The following CYB5R2 variants were observed in gnomAD, a reference collection of about 807,000 sequenced individuals.
CYB5R2 encodes NADH-cytochrome b5 reductase 2.
A neutral mutation model predicts 29.8 loss-of-function variants in CYB5R2; 35 were observed. That is an observed-to-expected ratio of 1.17 (90% CI 0.90 to 1.56). The LOEUF (loss-of-function observed/expected upper bound fraction) is 1.56, where lower values mean the gene tolerates loss of function less well. CYB5R2 is among the 40% of genes most tolerant of loss of function. The pLI is 0.00. For missense variants in CYB5R2, 419 were observed against 346.7 expected (o/e 1.21, Z -1.66); for synonymous variants, 169 against 130.6 (o/e 1.29, Z -2.01).
At position 7,672,790 on chromosome 11, in the gene CYB5R2, C is replaced by A; in HGVS notation, c.36G>T (p.Gln12His). The A allele has an allele frequency of 1.2e-6, 2 of 1,614,178 alleles. No individual in the cohort carries two copies. Among genetic ancestry groups the A allele is most frequent in the Non-Finnish European group, 1.7e-6 (2 of 1,180,038 alleles). ...NSRRREPITL[Q>H]DPEAKYPLPL... ...GCAGCGGGTACTTGGCTTCAGGGTC[C>A]TGTAAGGTGATTGGCTCTCTCCTCC... The change falls in exon 2 of 9, where the codon CAG becomes CAT. Residue 12 changes from glutamine to histidine, a missense_variant. Physicochemically the swap from Gln to His is conservative, Grantham distance 24 (BLOSUM62 0). Transcript: ENST00000299498.
upstream of CYB5R2, chr11:7,673,741 C>T (rs1010709436): frequency 1.9e-5 from 19 of 985,874 alleles, no homozygotes; most frequent in South Asian, 3.3e-4. Flanking sequence ...CCCAACACGT[C>T]GTCGAACTGG....
rs776521770 is a variant in CYB5R2, at chr11:7,669,312, G to T, written c.281C>A (p.Pro94His). ...CATCTTCCCACCTTCAGGATATTGG[G>T]GGTGTACATTTTTGAAGTAGATCTG... ...IIKIYFKNVH[P>H]QYPEGGKMTQ... The change falls in exon 5 of 9, where the codon CCC becomes CAC. Residue 94 changes from proline (P) to histidine (H), a missense_variant. Physicochemically the swap from Pro to His is moderately conservative, Grantham distance 77 (BLOSUM62 -2). Coordinates refer to ENST00000299498, the MANE Select transcript of CYB5R2 (RefSeq NM_016229.5). 1 of 1,612,896 alleles carries T rather than the reference G, an allele frequency of 6.2e-7. No individual in the cohort carries two copies. Among genetic ancestry groups the T allele is most frequent in the Non-Finnish European group, 8.5e-7 (1 of 1,179,318 alleles).
chr11:7,671,684 A>C (rs1855750912), intron 3 of CYB5R2: 1 of 152,248 alleles, frequency 6.6e-6, no homozygotes, highest in South Asian at 2.1e-4. Flanking sequence ...TGTGCATATA[A>C]GACAAATAGG....
intron 6 of CYB5R2, 32 bp from the exon 7 acceptor site, chr11:7,667,845 T>G: frequency 6.3e-7 from 1 of 1,584,834 alleles, no homozygotes. Flanking sequence ...GCCAGCTTTC[T>G]CCCTGTCTCT....
upstream of CYB5R2, chr11:7,673,668 C>T (rs1855902247): frequency 1.0e-6 from 1 of 985,488 alleles, no homozygotes; most frequent in Non-Finnish European, 1.2e-6. Flanking sequence ...GCCGTCCCGA[C>T]GGAGATATTT....
At chr11:7,668,787 T>G (rs2136120004) in intron 5 of CYB5R2, 1 of 603,302 alleles carries the variant, frequency 1.7e-6, no homozygotes, top group Non-Finnish European at 2.9e-6. Context: ...CGCCGGGCCT[T>G]CTGTTCTGAG....
At chr11:7,672,066 T>C (rs1855776004) in intron 3 of CYB5R2, 3 of 194,778 alleles carry the variant, frequency 1.5e-5, no homozygotes, top group Non-Finnish European at 3.2e-5. Context: ...TCAGTCACTC[T>C]ACTTTCACAA....
chr11:7,671,337 C>T (rs547936504), intron 3 of CYB5R2: 9 of 152,474 alleles, frequency 5.9e-5, no homozygotes, highest in South Asian at 2.1e-4. Context: ...TGGGCTGGGA[C>T]GAAGCAGCGA....
chr11:7,665,668 A>G, intron 8 of CYB5R2, 122 bp from the exon 9 acceptor site: 1 of 1,214,124 alleles, frequency 8.2e-7, no homozygotes, highest in East Asian at 2.6e-5. Context: ...AAAGGCTTAG[A>G]AGTCTGTACT....
In CYB5R2 at chr11:7,669,943, C is replaced by G; in HGVS notation, c.152-212G>C. ...GTGCTACCCTAGGCAAGTCACTTCA[C>G]CTCTCTGGGTTTTGGTCTCTTCATC... is the stretch of plus-strand genomic sequence containing the variant. On this transcript the variant is annotated intron_variant, in intron 3 of 8. Transcript: ENST00000299498. 4 of 546,318 alleles carry G rather than the reference C, an allele frequency of 7.3e-6. No individual in the cohort carries two copies. In the South Asian group the frequency reaches 8.3e-5, roughly 11 times the overall value. 33.8% of individuals were successfully genotyped at this position (546,318 alleles called of 1,614,324 possible). A position where few individuals can be genotyped will look rare whatever the true frequency, so the allele number is the denominator to read the frequency against.
At chr11:7,666,403 C>G in intron 8 of CYB5R2, 48 bp downstream of exon 8, 2 of 1,256,092 alleles carry the variant, frequency 1.6e-6, no homozygotes, top group Non-Finnish European at 2.3e-6. Context: ...TCAAAGTGGT[C>G]AAGGGTTGGT....
Position 7,669,343 on chromosome 11 carries a change from C to T in CYB5R2, c.259-9G>A. 2 of 1,603,986 alleles carry T rather than the reference C, an allele frequency of 1.2e-6. No individual in the cohort carries two copies. The highest frequency in any genetic ancestry group is 1.1e-5 in the South Asian group (1 of 89,178). On this transcript the variant is annotated splice_polypyrimidine_tract_variant and intron_variant, in intron 4 of 8. Coordinates refer to ENST00000299498, the MANE Select transcript of CYB5R2 (RefSeq NM_016229.5). ...ACATTTTTGAAGTAGATCTGAAAAGCAAGGCAGCACTGCTTTCACATTCCC... is the reference window on the plus strand; with the variant it reads ...ACATTTTTGAAGTAGATCTGAAAAGTAAGGCAGCACTGCTTTCACATTCCC...
At chr11:7,673,073 G>A (rs190205865) in intron 1 of CYB5R2, 182 bp from the exon 2 acceptor site, 5 of 555,124 alleles carry the variant, frequency 9.0e-6, no homozygotes, top group South Asian at 3.9e-5. Flanking sequence ...TGGACCAGAG[G>A]GTAGGGAGGG....
chr11:7,672,326 A>T, intron 3 of CYB5R2, 125 bp downstream of exon 3: 1 of 746,100 alleles, frequency 1.3e-6, no homozygotes. Flanking sequence ...CTGAGCTCAC[A>T]GGCTCAGGAG....
At chr11:7,666,886 A>G in intron 7 of CYB5R2, 1 of 234,836 alleles carries the variant, frequency 4.3e-6, no homozygotes, top group South Asian at 6.1e-5. Context: ...ATCTACACTG[A>G]GCTCTAGCAC....
intron 5 of CYB5R2, 162 bp from the exon 6 acceptor site, chr11:7,668,723 C>A: frequency 1.5e-6 from 1 of 670,088 alleles, no homozygotes. Context: ...CCTCAGCTAG[C>A]CCTGGTGCTC....
upstream of CYB5R2, chr11:7,673,770 C>A (rs922862254): frequency 1.5e-4 from 139 of 928,528 alleles, no homozygotes; most frequent in Non-Finnish European, 1.7e-4. Context: ...GGGGGCCGCT[C>A]CCCGCCGCGG....
At position 7,668,550 on chromosome 11, in the gene CYB5R2, T is replaced by G. The variant is rs1454043194; in HGVS notation, c.400A>C (p.Ile134Leu). Residue 134 changes from isoleucine to leucine, a missense_variant, in exon 6 of 9, where the codon ATC (isoleucine) becomes CTC (leucine). Ile to Leu is a conservative substitution (Grantham distance 5, BLOSUM62 2). Transcript: ENST00000299498. ...GGCTCACTCGTCTGGTCTGGTCTGATTCCAAGATTCCCTGGAAACACAGAG... is the reference window on the plus strand; with the variant it reads ...GGCTCACTCGTCTGGTCTGGTCTGAGTCCAAGATTCCCTGGAAACACAGAG... ...LFYHGPGNLGIRPDQTSEPKK... is the reference protein window; with the variant it reads ...LFYHGPGNLGLRPDQTSEPKK... 1 of 1,613,766 alleles carries G rather than the reference T, an allele frequency of 6.2e-7. No individual in the cohort carries two copies. The highest frequency in any genetic ancestry group is 2.2e-5 in the East Asian group (1 of 44,872).
At chr11:7,667,893 C>T (rs1855421921) in intron 6 of CYB5R2, 80 bp from the exon 7 acceptor site, 1 of 1,109,658 alleles carries the variant, frequency 9.0e-7, no homozygotes, top group Admixed American at 1.7e-5. Context: ...AGCTTCATAC[C>T]TTCCCCCAGC....
Sources: allele counts gnomAD v4.1 joint callset, GRCh38; gene constraint gnomAD v4.1.1; transcripts MANE v1.5; gene names NCBI Gene and HGNC (gene_info 2026-07-23, HGNC 2026-07-21).